Variants in FMO1 observed in about 807,000 individuals in gnomAD.
FMO1 encodes flavin-containing monooxygenase 1.
In FMO1, 36 loss-of-function variants were observed where a neutral mutation model predicts 45.4. The ratio of observed to expected loss-of-function variants is 0.79; its 90% CI spans 0.61 to 1.05. The LOEUF is 1.05. Ranked by LOEUF, FMO1 falls within the 50% of genes least tolerant of loss-of-function variation. FMO1 has a pLI of 0.00. For synonymous variants in FMO1, 228 were observed against 227.2 expected, an observed-to-expected ratio of 1.00 and a Z score of -0.03; for missense variants, 615 against 640.3, an observed-to-expected ratio of 0.96 and a Z score of 0.43.
chr1:171,275,316 T>C (rs769384757), intron 3 of FMO1, 30 bp from the exon 4 acceptor site: 1 of 1,602,838 alleles, frequency 6.2e-7, no homozygotes, highest in Non-Finnish European at 8.5e-7. Flanking sequence ...CATTGACAAC[T>C]GCTAATCATA....
chr1:171,271,090 T>C (rs77712577), intron 3 of FMO1: 6 of 918,372 alleles, frequency 6.5e-6, no homozygotes, highest in Non-Finnish European at 1.1e-5. Context: ...TGCATCAGGC[T>C]TCCCTTTAGC....
intron 2 of FMO1, among the ~76,000 whole-genome samples, chr1:171,263,856 G>A (rs1660486705): frequency 6.6e-6 from 1 of 152,124 alleles, no homozygotes; most frequent in African/African-American, 2.4e-5. Flanking sequence ...GGGGCAGATT[G>A]CACAGTGAGG....
At chr1:171,264,969 G>A (rs1300052134) in intron 2 of FMO1, among the ~76,000 whole-genome samples, 3 of 152,064 alleles carry the variant, frequency 2.0e-5, no homozygotes, top group Admixed American at 6.5e-5. Context: ...GCATCCACAT[G>A]TTTGTTAGAC....
At chr1:171,262,072 G>A (rs1385677231) in intron 2 of FMO1, among the ~76,000 whole-genome samples, 1 of 152,168 alleles carries the variant, frequency 6.6e-6, no homozygotes, top group East Asian at 1.9e-4. Context: ...AACAAAATTT[G>A]AGGAATTATC....
At position 171,283,141 on chromosome 1, in the gene FMO1, C is replaced by T; in HGVS notation, c.1184-3C>T. 6.7e-7 allele frequency: 1 copy of T among 1,501,302 alleles called. No individual in the cohort carries two copies. The highest frequency in any genetic ancestry group is 9.2e-7 in the Non-Finnish European group (1 of 1,088,446). 93.0% of individuals were successfully genotyped at this position (1,501,302 alleles called of 1,614,324 possible). The stretch of plus-strand genomic sequence containing the variant: ...ATTTGAGGTTTTTATTTTAATCCTA[C>T]AGGTGTAAATAAGTTACCACCACCA... On this transcript the variant is annotated splice_polypyrimidine_tract_variant and splice_region_variant and intron_variant, in intron 7 of 8. Transcript: ENST00000617670.
At chr1:171,275,681 T>A (rs1038549450) in intron 4 of FMO1, among the ~76,000 whole-genome samples, 173 bp downstream of exon 4, 1 of 152,156 alleles carries the variant, frequency 6.6e-6, no homozygotes, top group Non-Finnish European at 1.5e-5. Flanking sequence ...TTCTGGCCAG[T>A]TTTTGGCTTT....
intron 3 of FMO1, chr1:171,271,119 C>T: frequency 3.4e-6 from 3 of 883,200 alleles, no homozygotes; most frequent in Non-Finnish European, 5.7e-6. Context: ...CAGCAATATC[C>T]TTTTTGTATT....
chr1:171,250,469 T>C (rs932896187), intron 1 of FMO1, among the ~76,000 whole-genome samples: 4 of 152,250 alleles, frequency 2.6e-5, no homozygotes, highest in Non-Finnish European at 4.4e-5. Flanking sequence ...AGTTTGGTAA[T>C]GACAGGCGTC....
chr1:171,282,383 C>A, intron 7 of FMO1, 50 bp downstream of exon 7: 2 of 1,186,098 alleles, frequency 1.7e-6, no homozygotes, highest in Non-Finnish European at 2.4e-6. Flanking sequence ...CCATGTGATT[C>A]TGGATACTGG....
At chr1:171,256,318 C>A (rs1018123834) in intron 1 of FMO1, among the ~76,000 whole-genome samples, 4 of 149,932 alleles carry the variant, frequency 2.7e-5, no homozygotes, top group Admixed American at 1.3e-4. Context: ...TCCCATCTTG[C>A]GAGTGAGTAA....
chr1:171,254,811 C>T (rs1289137980), intron 1 of FMO1, among the ~76,000 whole-genome samples: 2 of 152,290 alleles, frequency 1.3e-5, no homozygotes, highest in Middle Eastern at 3.4e-3. Context: ...AAATAGTAAT[C>T]GTCTGTGTTG....
At chr1:171,275,321 A>G (rs775168166) in intron 3 of FMO1, 25 bp from the exon 4 acceptor site, 16 of 1,608,146 alleles carry the variant, frequency 9.9e-6, no homozygotes, top group Middle Eastern at 3.3e-4. Context: ...ACAACTGCTA[A>G]TCATATCTGT....
intron 3 of FMO1, among the ~76,000 whole-genome samples, chr1:171,269,457 A>G (rs929881912): frequency 6.6e-6 from 1 of 152,186 alleles, no homozygotes; most frequent in Admixed American, 6.5e-5. Context: ...TTGTTTTAAA[A>G]AAAACCTCTG....
At chr1:171,273,920 C>T (rs974863723) in intron 3 of FMO1, among the ~76,000 whole-genome samples, 15 of 152,134 alleles carry the variant, frequency 9.9e-5, no homozygotes, top group African/African-American at 2.2e-4. Context: ...AATCCCAGCA[C>T]TTTGGGGGGC....
chr1:171,255,749 T>C (rs1018884464), intron 1 of FMO1, among the ~76,000 whole-genome samples: 2 of 152,124 alleles, frequency 1.3e-5, no homozygotes, highest in Non-Finnish European at 2.9e-5. Flanking sequence ...CTCATGGAAA[T>C]GGCTCCTCAC....
rs188830913 is a variant in FMO1 at position 171,255,262 on chromosome 1, C to A, written c.-6-2820C>A. On this transcript the variant is annotated intron_variant, in intron 1 of 8. Transcript: ENST00000617670. The stretch of plus-strand genomic sequence containing the variant: ...AAGCAAAAATGTGCCTTTTCAGTTC[C>A]ACCGCTGGCCATAATTCTAATCTTT... Among the ~76,000 whole-genome samples, 24 of 152,304 alleles carry A rather than the reference C, an allele frequency of 1.6e-4. 1 individual carries two copies. The highest frequency in any genetic ancestry group is 6.8e-3 in the Middle Eastern group (2 of 294).
intron 2 of FMO1, among the ~76,000 whole-genome samples, chr1:171,265,417 GAAA>G (rs201401866): frequency 8.0e-6 from 1 of 124,494 alleles, no homozygotes; most frequent in African/African-American, 2.9e-5. Flanking sequence ...AAAAGAAAAA[GAAA>G]AAAAAAAAGA....
chr1:171,255,898 A>G (rs1302690997), intron 1 of FMO1, among the ~76,000 whole-genome samples: 1 of 152,182 alleles, frequency 6.6e-6, no homozygotes, highest in Non-Finnish European at 1.5e-5. Flanking sequence ...GTATATATGC[A>G]ATACTCTTTC....
intron 3 of FMO1, chr1:171,271,447 T>G: frequency 5.0e-6 from 5 of 990,444 alleles, no homozygotes; most frequent in Non-Finnish European, 6.5e-6. Flanking sequence ...GTCTTCCACC[T>G]CTCTGAGCCT....
Sources: gnomAD v4.1 joint callset for allele counts (sites outside exome capture counted in the v4.1 genomes callset) on GRCh38, gnomAD v4.1.1 for gene constraint, MANE v1.5 for transcripts, NCBI Gene and HGNC (gene_info 2026-07-23, HGNC 2026-07-21) for gene names.